Variants in USP4 observed in about 807,000 individuals in gnomAD.
USP4 encodes ubiquitin specific peptidase 4, also known as ubiquitin carboxyl-terminal hydrolase 4.
Under a neutral mutation model 118.2 loss-of-function variants are expected in USP4, and 72 were observed. The ratio of observed to expected loss-of-function variants is 0.61; its 90% CI spans 0.50 to 0.74. The LOEUF (loss-of-function observed/expected upper bound fraction) is 0.74. Ranked by LOEUF, USP4 falls within the 30% of genes least tolerant of loss-of-function variation. The probability of loss-of-function intolerance (pLI) is 0.00; values close to 1 mark genes in which losing one functional copy is unlikely to be tolerated. For missense variants in USP4, 1,037 were observed against 1,185.7 expected, an observed-to-expected ratio of 0.87 and a Z score of 1.84; for synonymous variants, 415 against 440.4, an observed-to-expected ratio of 0.94 and a Z score of 0.72.
At chr3:49,305,131 G>A (rs1251399605) in intron 9 of USP4, among the ~76,000 whole-genome samples, 2 of 150,794 alleles carry the variant, frequency 1.3e-5, no homozygotes, top group Non-Finnish European at 3.0e-5. Context: ...GGAGTGCAGA[G>A]GCGCAATCTC....
intron 8 of USP4, 83 bp from the exon 9 acceptor site, chr3:49,305,971 T>G: frequency 7.3e-7 from 1 of 1,373,876 alleles, no homozygotes; most frequent in Non-Finnish European, 9.7e-7. Context: ...AAAGGGTCAC[T>G]GAGGGACAAC....
intron 8 of USP4, 59 bp from the exon 9 acceptor site, chr3:49,305,947 A>C: frequency 6.7e-7 from 1 of 1,488,616 alleles, no homozygotes; most frequent in Non-Finnish European, 9.0e-7. Context: ...GAGATACAAG[A>C]TAAATCAAGT....
Position 49,286,127 on chromosome 3 carries a change from G to C in USP4, c.2171C>G (p.Ala724Gly), listed in dbSNP as rs761114777. ...SYGTADINSL[A>G]ADGKLLKLNS... ...GAGTTTAAGTAGTTTTCCATCAGCT[G>C]CAAGTGAATTTATGTCAGCTGTTCC... is the stretch of plus-strand genomic sequence containing the variant. Residue 724 changes from alanine (A) to glycine (G), a missense_variant, in exon 16 of 22, where the codon GCA becomes GGA. Ala to Gly is a moderately conservative substitution (Grantham distance 60). Coordinates refer to ENST00000265560, the MANE Select transcript of USP4 (RefSeq NM_003363.4). 4 of 1,614,208 alleles carry C rather than the reference G, an allele frequency of 2.5e-6. No homozygotes were observed. The East Asian group carries it at 8.9e-5, about 36-fold the overall frequency.
rs1276261523 is a variant in USP4 at position 49,304,370 on chromosome 3, AG to A, written c.1128+1344del. On this transcript the variant is annotated intron_variant, in intron 9 of 21. Coordinates refer to ENST00000265560, the MANE Select transcript of USP4 (RefSeq NM_003363.4). ...AAGCACCTCCACCTCAGCAGGAAAA[AG>A]CAGTTGGGGCAATGGAAAGCCCAAG... Among the ~76,000 whole-genome samples the A allele has an allele frequency of 5.9e-5, 9 of 152,154 alleles. No individual in the cohort carries two copies. The East Asian group carries it at 1.7e-3, about 29-fold the overall frequency.
chr3:49,287,186 ACT>A (rs2047103933), intron 15 of USP4, among the ~76,000 whole-genome samples: 1 of 150,158 alleles, frequency 6.7e-6, no homozygotes, highest in Non-Finnish European at 1.5e-5. Context: ...ACGGAGTCTC[ACT>A]CTTTCGTCCA....
At chr3:49,327,882 T>C in intron 2 of USP4, 66 bp from the exon 3 acceptor site, 12 of 1,448,158 alleles carry the variant, frequency 8.3e-6, no homozygotes, top group Non-Finnish European at 1.1e-5. Context: ...TTACATGATT[T>C]CCATGTACTT....
intron 8 of USP4, 135 bp from the exon 9 acceptor site, chr3:49,306,023 C>G (rs919377122): frequency 2.3e-6 from 2 of 868,416 alleles, no homozygotes; most frequent in African/African-American, 3.5e-5. Flanking sequence ...TGAAGGCTCA[C>G]GACAGTAAAG....
At chr3:49,314,182 T>C (rs2047413129) in intron 6 of USP4, 1 of 152,190 alleles carries the variant, frequency 6.6e-6, no homozygotes, top group Admixed American at 6.5e-5. Flanking sequence ...AAGAAAAACA[T>C]GGCAGCAAAA....
At chr3:49,299,877 G>A (rs2047247563) in intron 11 of USP4, among the ~76,000 whole-genome samples, 1 of 152,142 alleles carries the variant, frequency 6.6e-6, no homozygotes, top group Admixed American at 6.5e-5. Context: ...CCGTGCTTCT[G>A]GTTCCCCAAC....
At chr3:49,334,780 G>A (rs925374999) in intron 2 of USP4, among the ~76,000 whole-genome samples, 2 of 152,124 alleles carry the variant, frequency 1.3e-5, no homozygotes, top group Admixed American at 6.6e-5. Context: ...GCCTCCCAAA[G>A]TGCTGAGATT....
chr3:49,297,978 G>A lies in USP4; in HGVS notation c.1597-14C>T. ...TGCGACCACCATCTAAGAATGAACAGTAACAGAAAGACCACAGAATGGCTA... is the reference window on the plus strand; with the variant it reads ...TGCGACCACCATCTAAGAATGAACAATAACAGAAAGACCACAGAATGGCTA... On this transcript the variant is annotated splice_polypyrimidine_tract_variant and intron_variant, in intron 12 of 21. Transcript: ENST00000265560. 1.3e-6 allele frequency: 2 copies of A among 1,570,508 alleles called. No homozygotes were observed. Among genetic ancestry groups the A allele is most frequent in the Non-Finnish European group, 1.8e-6 (2 of 1,140,534 alleles).
chr3:49,284,458 C>G lies in USP4; in HGVS notation c.2390+8G>C. On this transcript the variant is annotated splice_region_variant and intron_variant, in intron 18 of 21. Coordinates refer to ENST00000265560, the MANE Select transcript of USP4 (RefSeq NM_003363.4). ...GGGCCTCTGCCCAGACAGTGAGGAG[C>G]TGCGTACCAGGGGTCATGCTCCCCA... The G allele has an allele frequency of 6.2e-7, 1 of 1,610,586 alleles. No homozygotes were observed. Among genetic ancestry groups the G allele is most frequent in the South Asian group, 1.1e-5 (1 of 90,976 alleles).
At chr3:49,301,408 C>T (rs1364366855) in intron 10 of USP4, among the ~76,000 whole-genome samples, 4 of 152,208 alleles carry the variant, frequency 2.6e-5, no homozygotes, top group East Asian at 3.9e-4. Flanking sequence ...AGGTTTTTGG[C>T]GGGGCACGGT....
chr3:49,286,485 C>G (rs1294985107), intron 15 of USP4, among the ~76,000 whole-genome samples, 160 bp from the exon 16 acceptor site: 1 of 152,036 alleles, frequency 6.6e-6, no homozygotes, highest in African/African-American at 2.4e-5. Flanking sequence ...ACATGTGACT[C>G]TCACCACACC....
intron 13 of USP4, among the ~76,000 whole-genome samples, chr3:49,297,267 C>A (rs1398862951): frequency 6.6e-6 from 1 of 152,136 alleles, no homozygotes; most frequent in Non-Finnish European, 1.5e-5. Flanking sequence ...CACCACTGTG[C>A]CTGGAAGAGG....
rs546495622 is a variant in USP4 at position 49,278,375 on chromosome 3, C to G, written c.2810G>C (p.Gly937Ala). ...TGGTCGTGTCCCTCCATCAGAGGAA[C>G]CAGAACTGCTAAGTGAAGGTGTCTT... ...FYKTPSLSSSGSSDGGTRPSS... is the reference protein window; with the variant it reads ...FYKTPSLSSSASSDGGTRPSS... Residue 937 changes from glycine to alanine, a missense_variant, in exon 22 of 22, where the codon GGT (glycine) becomes GCT (alanine). Transcript: ENST00000265560. The G allele has an allele frequency of 1.2e-6, 2 of 1,614,126 alleles. No homozygotes were observed. The highest frequency in any genetic ancestry group is 1.7e-6 in the Non-Finnish European group (2 of 1,180,030).
chr3:49,292,423 T>G (rs1287705410), intron 15 of USP4, 87 bp downstream of exon 15: 1 of 866,264 alleles, frequency 1.2e-6, no homozygotes, highest in Non-Finnish European at 1.7e-6. Flanking sequence ...CCAACCCCCT[T>G]CTCCCATGTG....
At chr3:49,328,069 G>C (rs1359458132) in intron 2 of USP4, among the ~76,000 whole-genome samples, 1 of 151,974 alleles carries the variant, frequency 6.6e-6, no homozygotes, top group Non-Finnish European at 1.5e-5. Context: ...GGATAAAAAA[G>C]AAAAACTCCA....
At chr3:49,296,530 T>A (rs1165158958) in intron 13 of USP4, among the ~76,000 whole-genome samples, 1 of 151,532 alleles carries the variant, frequency 6.6e-6, no homozygotes, top group Non-Finnish European at 1.5e-5. Flanking sequence ...GTGCCTGTAG[T>A]CCCAGCTACT....
Sources: allele counts gnomAD v4.1 joint callset (sites outside exome capture counted in the v4.1 genomes callset), GRCh38; gene constraint gnomAD v4.1.1; transcripts MANE v1.5; gene names NCBI Gene and HGNC (gene_info 2026-07-23, HGNC 2026-07-21).